The following ATRNL1 variants were observed in gnomAD, a reference collection of about 807,000 sequenced individuals.
ATRNL1 encodes the protein attractin-like protein 1.
Under a neutral mutation model 182.7 loss-of-function variants are expected in ATRNL1, and 95 were observed. The observed-to-expected ratio is 0.52, with a 90% CI of 0.44 to 0.62. The LOEUF is 0.62. ATRNL1 is among the 20% of genes least tolerant of loss of function. ATRNL1 has a pLI of 0.00. For missense variants in ATRNL1, 1,471 were observed against 1,679.5 expected (o/e 0.88, Z 2.17); for synonymous variants, 576 against 568.3 (o/e 1.01, Z -0.19).
In ATRNL1 at chr10:115,391,779, C is replaced by G. The variant is rs74158308; in HGVS notation, c.3176-2880C>G. 3.4e-3 allele frequency among the ~76,000 whole-genome samples: 515 copies of G among 151,858 alleles called. 2 individuals carry two copies. Among genetic ancestry groups the G allele is most frequent in the African/African-American group, 0.012 (497 of 41,372 alleles). ...TCTTATTCCACTATCTTCCTAACAT[C>G]ACTCCTCTAGAGTTTTTTTTTTAAT... On this transcript the variant is annotated intron_variant, in intron 19 of 28. Coordinates refer to ENST00000355044, the MANE Select transcript of ATRNL1 (RefSeq NM_207303.4).
intron 26 of ATRNL1, among the ~76,000 whole-genome samples, chr10:115,576,926 T>C (rs782531590): frequency 2.6e-5 from 4 of 151,892 alleles, no homozygotes; most frequent in African/African-American, 4.8e-5. Flanking sequence ...TGTAAGATAA[T>C]GGGCATTTTC....
At chr10:115,226,575 C>G (rs540904094) in intron 9 of ATRNL1, among the ~76,000 whole-genome samples, 3 of 149,282 alleles carry the variant, frequency 2.0e-5, no homozygotes, top group African/African-American at 7.4e-5. Flanking sequence ...AAAAAAAAAA[C>G]TATCCTAAAA....
At chr10:115,291,049 C>T (rs1211833102) in intron 15 of ATRNL1, among the ~76,000 whole-genome samples, 8 of 152,164 alleles carry the variant, frequency 5.3e-5, no homozygotes, top group Admixed American at 3.3e-4. Flanking sequence ...CGGCATTCAC[C>T]GGTGTAAGCT....
intron 1 of ATRNL1, among the ~76,000 whole-genome samples, chr10:115,109,132 T>G (rs1211256479): frequency 6.6e-6 from 1 of 151,566 alleles, no homozygotes; most frequent in Non-Finnish European, 1.5e-5. Flanking sequence ...TAATGTTCTT[T>G]TCATACCAAT....
chr10:115,656,650 T>A (rs1210602822), intron 26 of ATRNL1, among the ~76,000 whole-genome samples: 1 of 152,200 alleles, frequency 6.6e-6, no homozygotes, highest in African/African-American at 2.4e-5. Context: ...AATAAAATGA[T>A]TGTAAAATAA....
At chr10:115,553,472 T>A (rs1323887891) in intron 26 of ATRNL1, among the ~76,000 whole-genome samples, 2 of 151,402 alleles carry the variant, frequency 1.3e-5, no homozygotes, top group Non-Finnish European at 1.5e-5. Context: ...CTTTTTAATA[T>A]TTCTCACATA....
intron 26 of ATRNL1, among the ~76,000 whole-genome samples, chr10:115,648,687 C>A (rs1555033465): frequency 2.6e-5 from 4 of 152,140 alleles, no homozygotes; most frequent in Non-Finnish European, 5.9e-5. Flanking sequence ...ATTAACTCCT[C>A]CCCAAGGAAT....
chr10:115,789,306 C>G (rs530640463), intron 27 of ATRNL1, among the ~76,000 whole-genome samples: 2 of 152,112 alleles, frequency 1.3e-5, no homozygotes, highest in Non-Finnish European at 2.9e-5. Context: ...CAATTTAGCT[C>G]TCAAGTAACA....
chr10:115,847,734 A>G (rs1950962454), intron 27 of ATRNL1, 143 bp from the exon 28 acceptor site: 2 of 605,196 alleles, frequency 3.3e-6, no homozygotes, highest in Non-Finnish European at 6.0e-6. Flanking sequence ...ATAGTGTGCA[A>G]GGAGCTAGTG....
chr10:115,461,994 C>T lies in ATRNL1; in HGVS notation c.3376C>T (p.Arg1126Cys), dbSNP rs372851241. The T allele has an allele frequency of 5.6e-6, 9 of 1,611,100 alleles. No individual in the cohort carries two copies. Among genetic ancestry groups the T allele is most frequent in the Admixed American group, 1.7e-5 (1 of 59,776 alleles). The stretch of plus-strand genomic sequence containing the variant: ...CTTCAGCTTATTACAGGAAGATGAT[C>T]GCCACCATACTGCCATAAACTTTAT... ...FTFSLLQEDD[R>C]HHTAINFIAN... The change falls in exon 22 of 29, where the codon CGC (arginine) becomes TGC (cysteine). Residue 1126 changes from arginine to cysteine, a missense_variant. Arg to Cys is a radical substitution (Grantham distance 180). Transcript: ENST00000355044.
intron 26 of ATRNL1, among the ~76,000 whole-genome samples, chr10:115,725,326 A>G (rs1444868481): frequency 6.6e-6 from 1 of 152,184 alleles, no homozygotes; most frequent in Non-Finnish European, 1.5e-5. Context: ...ATAATAGATT[A>G]CAGTCCATGG....
intron 28 of ATRNL1, among the ~76,000 whole-genome samples, chr10:115,849,088 A>G (rs1344111183): frequency 6.6e-6 from 1 of 152,192 alleles, no homozygotes; most frequent in Non-Finnish European, 1.5e-5. Context: ...TTTTTCCCAT[A>G]TATGGGAGCA....
At position 115,121,392 on chromosome 10, in the gene ATRNL1, G is replaced by C. The variant is rs533671826; in HGVS notation, c.378-307G>C. On this transcript the variant is annotated intron_variant, in intron 2 of 28. Transcript: ENST00000355044. Reference sequence around the variant, plus strand: ...CCCAAAGTGCCGGGATTACAGGCGAGAGCCACTGCACCTGGCTGAACATTT... The same window carrying C: ...CCCAAAGTGCCGGGATTACAGGCGACAGCCACTGCACCTGGCTGAACATTT... 3.9e-5 allele frequency among the ~76,000 whole-genome samples: 6 copies of C among 152,340 alleles called. No homozygotes were observed. In the South Asian group the frequency reaches 1.2e-3, roughly 32 times the overall value.
chr10:115,743,044 T>C (rs1228039795), intron 27 of ATRNL1, among the ~76,000 whole-genome samples: 2 of 151,966 alleles, frequency 1.3e-5, no homozygotes, highest in Non-Finnish European at 2.9e-5. Flanking sequence ...GAAAAGTCCC[T>C]TATAAAGCCA....
intron 28 of ATRNL1, among the ~76,000 whole-genome samples, chr10:115,902,993 G>A (rs1450374388): frequency 6.6e-6 from 1 of 152,146 alleles, no homozygotes; most frequent in Non-Finnish European, 1.5e-5. Flanking sequence ...ATCAAAATCT[G>A]GAGACTGCTT....
chr10:115,914,487 C>T (rs1400124813), intron 28 of ATRNL1, among the ~76,000 whole-genome samples: 1 of 152,126 alleles, frequency 6.6e-6, no homozygotes, highest in Non-Finnish European at 1.5e-5. Flanking sequence ...TGGTTTATGC[C>T]ACATGCGTAC....
intron 14 of ATRNL1, among the ~76,000 whole-genome samples, chr10:115,282,034 T>C (rs1852385267): frequency 6.9e-6 from 1 of 143,916 alleles, no homozygotes; most frequent in African/African-American, 2.5e-5. Context: ...TAACAATAAA[T>C]ACATAAATAT....
chr10:115,898,430 C>T (rs565223450), intron 28 of ATRNL1, among the ~76,000 whole-genome samples: 1 of 152,338 alleles, frequency 6.6e-6, no homozygotes, highest in African/African-American at 2.4e-5. Context: ...CTGCTGCCCC[C>T]ACGTGGGCTG....
intron 26 of ATRNL1, among the ~76,000 whole-genome samples, chr10:115,614,669 A>G (rs1325746604): frequency 6.6e-6 from 1 of 151,948 alleles, no homozygotes; most frequent in Non-Finnish European, 1.5e-5. Context: ...TTGGTCTTTG[A>G]TTAATATTTG....
Sources: allele counts gnomAD v4.1 joint callset (sites outside exome capture counted in the v4.1 genomes callset), GRCh38; gene constraint gnomAD v4.1.1; transcripts MANE v1.5; gene names NCBI Gene and HGNC (gene_info 2026-07-23, HGNC 2026-07-21).